DSE: variants seen among roughly 807,000 people sequenced by gnomAD.
The protein encoded by DSE is dermatan sulfate epimerase, also known as dermatan-sulfate epimerase.
A neutral mutation model predicts 84.4 loss-of-function variants in DSE; 36 were observed. The ratio of observed to expected loss-of-function variants is 0.43; its 90% confidence interval spans 0.33 to 0.56. The LOEUF (loss-of-function observed/expected upper bound fraction) is 0.56. Ranked by LOEUF, DSE falls within the 20% of genes least tolerant of loss-of-function variation. The pLI is 0.06. For missense variants in DSE, 862 were observed against 1,169.6 expected (o/e 0.74, Z 3.84); for synonymous variants, 410 against 430.1 (o/e 0.95, Z 0.58).
chr6:116,417,692 A>T (rs1782803788), intron 2 of DSE, among the ~76,000 whole-genome samples: 1 of 152,184 alleles, frequency 6.6e-6, no homozygotes, highest in Non-Finnish European at 1.5e-5. Context: ...AGAGCTAATA[A>T]GTTATTTTCC....
At position 116,386,110 on chromosome 6, in the gene DSE, GTAT is replaced by G. The variant is rs1336226736; in HGVS notation, c.-53-13086_-53-13084del. On this transcript the variant is annotated intron_variant, in intron 1 of 5. Coordinates refer to ENST00000644252, the MANE Select transcript of DSE (RefSeq NM_013352.4). ...CTTTTAAAAAATGTGTCAGTCCAGT[GTAT>G]TCTGCTTTGTCCTTTGCTTCAACAG... 2.6e-5 allele frequency among the ~76,000 whole-genome samples: 4 copies of G among 152,258 alleles called. No homozygotes were observed. The East Asian group carries it at 5.8e-4, about 22-fold the overall frequency.
intron 1 of DSE, among the ~76,000 whole-genome samples, chr6:116,392,500 G>A (rs551095350): frequency 6.6e-6 from 1 of 152,316 alleles, no homozygotes; most frequent in East Asian, 1.9e-4. Flanking sequence ...AACTGGAGCA[G>A]CTGCTCTTAG....
chr6:116,365,711 A>C (rs1779130595), upstream of DSE, among the ~76,000 whole-genome samples: 1 of 152,258 alleles, frequency 6.6e-6, no homozygotes, highest in South Asian at 2.1e-4. Context: ...GAATTAAATC[A>C]GAATTTCTAA....
At chr6:116,389,082 C>T (rs954983510) in intron 1 of DSE, among the ~76,000 whole-genome samples, 1 of 152,160 alleles carries the variant, frequency 6.6e-6, no homozygotes. Flanking sequence ...TCATGGTGCA[C>T]TTCCCCTCAG....
chr6:116,415,516 C>T (rs1342774518), intron 2 of DSE, among the ~76,000 whole-genome samples: 1 of 149,642 alleles, frequency 6.7e-6, no homozygotes, highest in East Asian at 1.9e-4. Context: ...TTTGGATCTC[C>T]TTTTCTTCCC....
chr6:116,371,216 G>T (rs913491432), intron 1 of DSE, 95 bp downstream of exon 1: 143 of 984,432 alleles, frequency 1.5e-4, no homozygotes, highest in Non-Finnish European at 1.7e-4. Context: ...GTCCCGGCGC[G>T]GGCGGGAGAC....
At position 116,361,047 on chromosome 6, in the gene DSE, G is replaced by A. The variant is rs183327716; in HGVS notation, c.-53-38151G>A. Among the ~76,000 whole-genome samples, 1,034 of 152,142 alleles carry A rather than the reference G, an allele frequency of 6.8e-3. 21 individuals are homozygous for A. The highest frequency in any genetic ancestry group is 0.053 in the South Asian group (257 of 4,828). On this transcript the variant is annotated intron_variant, in intron 2 of 3. Coordinates refer to the DSE transcript ENST00000430252. ...ATATTAAAAGAGATTTTAAAATTAT[G>A]TAACTGAAGTTTTTTGTTTTGTTTT...
chr6:116,358,150 G>A (rs1278468969), intron 2 of DSE, among the ~76,000 whole-genome samples: 3 of 152,210 alleles, frequency 2.0e-5, no homozygotes, highest in Non-Finnish European at 4.4e-5. Flanking sequence ...GGTATCCAAT[G>A]CAGCAAAAAT....
intron 1 of DSE, among the ~76,000 whole-genome samples, chr6:116,395,291 G>A (rs570748323): frequency 6.6e-6 from 1 of 152,330 alleles, no homozygotes; most frequent in South Asian, 2.1e-4. Context: ...TGGGCATGGT[G>A]GTGGGTGCCT....
At chr6:116,340,263 T>C (rs911716838) in intron 2 of DSE, among the ~76,000 whole-genome samples, 6 of 152,216 alleles carry the variant, frequency 3.9e-5, no homozygotes, top group African/African-American at 1.2e-4. Flanking sequence ...TCTCATTATA[T>C]GTATATTGGT....
chr6:116,394,292 CTT>C (rs1423419985), intron 1 of DSE, among the ~76,000 whole-genome samples: 1 of 152,200 alleles, frequency 6.6e-6, no homozygotes, highest in Non-Finnish European at 1.5e-5. Context: ...TGGGGCCTAT[CTT>C]TGCTTTATAA....
intron 2 of DSE, among the ~76,000 whole-genome samples, chr6:116,280,697 C>G (rs140500210): frequency 6.6e-6 from 1 of 152,268 alleles, no homozygotes; most frequent in East Asian, 1.9e-4. Context: ...ATGTCAATGT[C>G]TCTGGTTGAA....
intron 2 of DSE, among the ~76,000 whole-genome samples, chr6:116,293,827 G>A (rs987309901): frequency 5.9e-5 from 9 of 151,798 alleles, no homozygotes; most frequent in African/African-American, 1.9e-4. Context: ...GCTGCAGTGA[G>A]CTATGATCAC....
At chr6:116,322,874 A>G (rs755571545) in intron 2 of DSE, among the ~76,000 whole-genome samples, 1 of 152,166 alleles carries the variant, frequency 6.6e-6, no homozygotes, top group Non-Finnish European at 1.5e-5. Flanking sequence ...TCAGAAGAGT[A>G]ACTTCCCAGA....
chr6:116,387,550 G>A (rs1293467099), intron 1 of DSE, among the ~76,000 whole-genome samples: 1 of 152,158 alleles, frequency 6.6e-6, no homozygotes, highest in Non-Finnish European at 1.5e-5. Context: ...CCAGGATTGA[G>A]ACACTGCAGG....
At chr6:116,421,106 A>G (rs1408964882) in intron 2 of DSE, among the ~76,000 whole-genome samples, 1 of 152,140 alleles carries the variant, frequency 6.6e-6, no homozygotes, top group Non-Finnish European at 1.5e-5. Flanking sequence ...ACCAAACTCT[A>G]TGCCTTTCCC....
chr6:116,357,701 C>T (rs977208686), intron 2 of DSE, among the ~76,000 whole-genome samples: 1 of 152,114 alleles, frequency 6.6e-6, no homozygotes, highest in African/African-American at 2.4e-5. Flanking sequence ...ACTACTTCCC[C>T]TACCACAGAA....
At chr6:116,286,863 G>T (rs868766207) in intron 2 of DSE, among the ~76,000 whole-genome samples, 4 of 152,002 alleles carry the variant, frequency 2.6e-5, no homozygotes, top group Admixed American at 6.6e-5. Flanking sequence ...AGCTCCCCTT[G>T]GTACATGTTA....
At chr6:116,326,029 A>G (rs1224731456) in intron 2 of DSE, among the ~76,000 whole-genome samples, 1 of 152,180 alleles carries the variant, frequency 6.6e-6, no homozygotes, top group Non-Finnish European at 1.5e-5. Context: ...TTTCTATACA[A>G]TGTCTGTAAT....
Sources: allele counts gnomAD v4.1 joint callset (sites outside exome capture counted in the v4.1 genomes callset), GRCh38; gene constraint gnomAD v4.1.1; transcripts MANE v1.5; gene names NCBI Gene and HGNC (gene_info 2026-07-23, HGNC 2026-07-21).